BAZ1A: variants seen among roughly 807,000 people sequenced by gnomAD.
The protein encoded by BAZ1A is bromodomain adjacent to zinc finger domain protein 1A.
BAZ1A carries 50 observed loss-of-function variants against 185.2 expected under a neutral mutation model. That is an observed-to-expected ratio of 0.27 (90% CI 0.22 to 0.34). The LOEUF is 0.34. BAZ1A is among the 10% of genes least tolerant of loss of function. BAZ1A has a pLI of 1.00. For missense variants in BAZ1A, 1,356 were observed against 1,839.9 expected (o/e 0.74, Z 4.81); for synonymous variants, 571 against 615.6 (o/e 0.93, Z 1.07).
intron 18 of BAZ1A, 113 bp downstream of exon 18, chr14:34,775,806 A>C (rs1879559702): frequency 1.3e-6 from 1 of 782,444 alleles, no homozygotes; most frequent in African/African-American, 1.8e-5. Context: ...GCCTAAATCA[A>C]AGATAAGGTG....
At chr14:34,799,239 T>TG (rs535843293) in intron 9 of BAZ1A, among the ~76,000 whole-genome samples, 1 of 71,688 alleles carries the variant, frequency 1.4e-5, no homozygotes, top group Non-Finnish European at 2.5e-5. Flanking sequence ...TGTTGTGGGG[T>TG]GGGGGGAGGG....
intron 3 of BAZ1A, among the ~76,000 whole-genome samples, chr14:34,838,933 G>C (rs2042370672): frequency 6.6e-6 from 1 of 152,042 alleles, no homozygotes; most frequent in Admixed American, 6.6e-5. Flanking sequence ...CCAATTAAAA[G>C]TATTCATTCC....
At chr14:34,774,912 C>A (rs985456740) in intron 18 of BAZ1A, among the ~76,000 whole-genome samples, 2 of 152,216 alleles carry the variant, frequency 1.3e-5, no homozygotes, top group African/African-American at 4.8e-5. Context: ...CCAATGAGCA[C>A]ATGAAAAGAT....
chr14:34,810,841 C>A (rs925881024), intron 5 of BAZ1A, 94 bp downstream of exon 5: 2 of 831,146 alleles, frequency 2.4e-6, no homozygotes, highest in Non-Finnish European at 3.9e-6. Context: ...AAAGCAATCA[C>A]AGTACTTCCC....
intron 3 of BAZ1A, among the ~76,000 whole-genome samples, chr14:34,846,291 G>GT (rs2042510703): frequency 6.6e-6 from 1 of 152,220 alleles, no homozygotes; most frequent in African/African-American, 2.4e-5. Flanking sequence ...AGTAATGACC[G>GT]TAAGTCCTGG....
At chr14:34,760,441 C>A (rs2383676) in intron 24 of BAZ1A, among the ~76,000 whole-genome samples, 28,335 of 151,146 alleles carry the variant, frequency 0.19, 3,378 homozygotes, top group Non-Finnish European at 0.26. Flanking sequence ...TGCTGCGTAT[C>A]CGAATAATGC....
chr14:34,773,315 C>T (rs773555556), intron 20 of BAZ1A, among the ~76,000 whole-genome samples: 3 of 150,850 alleles, frequency 2.0e-5, no homozygotes, highest in South Asian at 2.1e-4. Flanking sequence ...ACCTTAAGTT[C>T]AAAGATTAAA....
intron 4 of BAZ1A, among the ~76,000 whole-genome samples, chr14:34,824,102 GGCTCCT>G (rs2042126710): frequency 6.6e-6 from 1 of 151,544 alleles, no homozygotes; most frequent in African/African-American, 2.4e-5. Context: ...CGGGCACAGT[GGCTCCT>G]GCCTGTAATC....
At chr14:34,830,248 T>A (rs956209348) in intron 3 of BAZ1A, among the ~76,000 whole-genome samples, 9 of 151,580 alleles carry the variant, frequency 5.9e-5, no homozygotes, top group African/African-American at 2.2e-4. Context: ...CAAATATCCA[T>A]CAACTGATCA....
chr14:34,853,246 A>G (rs2042624504), intron 3 of BAZ1A, among the ~76,000 whole-genome samples: 1 of 152,230 alleles, frequency 6.6e-6, no homozygotes, highest in African/African-American at 2.4e-5. Flanking sequence ...AACAAATGTC[A>G]GTGCATTTGG....
In BAZ1A at chr14:34,777,470, C is replaced by T. The variant is rs1879712821; in HGVS notation, c.2237-955G>A. ...ACCAGCCTGGCCAACATGGTGAAAT[C>T]CCGTCTCCACTAAAAATACAAAAAT... On this transcript the variant is annotated intron_variant, in intron 17 of 26. Coordinates refer to ENST00000360310, the MANE Select transcript of BAZ1A (RefSeq NM_013448.3). Among the ~76,000 whole-genome samples the T allele has an allele frequency of 2.0e-5, 3 of 151,644 alleles. No homozygotes were observed. In the South Asian group the frequency reaches 6.3e-4, roughly 32 times the overall value.
At chr14:34,784,580 C>T (rs1472011962) in intron 14 of BAZ1A, among the ~76,000 whole-genome samples, 4 of 151,358 alleles carry the variant, frequency 2.6e-5, no homozygotes, top group East Asian at 2.0e-4. Flanking sequence ...TGCAGTGGCG[C>T]GATCTCGGCT....
At position 34,874,678 on chromosome 14, in the gene BAZ1A, G is replaced by A. The variant is rs1307478408; in HGVS notation, c.-58-16C>T. The A allele has an allele frequency of 1.4e-5, 18 of 1,330,264 alleles. No individual in the cohort carries two copies. Among genetic ancestry groups the A allele is most frequent in the Non-Finnish European group, 1.8e-5 (17 of 962,382 alleles). 82.4% of individuals were successfully genotyped at this position (1,330,264 alleles called of 1,614,324 possible). On this transcript the variant is annotated splice_polypyrimidine_tract_variant and intron_variant, in intron 1 of 26. Coordinates refer to ENST00000360310, the MANE Select transcript of BAZ1A (RefSeq NM_013448.3). The surrounding 1 kb of genome is among the most constrained non-coding windows in gnomAD (Gnocchi z 4.7). Reference sequence around the variant, plus strand: ...CCCCGCTTCCCTATCAAAATTGGAGGGAAAGGAAAGCCGGTAAGGTGGGGA... The same window carrying A: ...CCCCGCTTCCCTATCAAAATTGGAGAGAAAGGAAAGCCGGTAAGGTGGGGA...
At chr14:34,867,771 C>T (rs984071908) in intron 2 of BAZ1A, among the ~76,000 whole-genome samples, 1 of 152,154 alleles carries the variant, frequency 6.6e-6, no homozygotes, top group African/African-American at 2.4e-5. Flanking sequence ...CTACTCATAA[C>T]CCCCTAACAG....
intron 6 of BAZ1A, among the ~76,000 whole-genome samples, chr14:34,806,597 T>A (rs1414003984): frequency 6.6e-6 from 1 of 152,182 alleles, no homozygotes; most frequent in African/African-American, 2.4e-5. Context: ...TTTTGCATTT[T>A]AAAAAATTAC....
At chr14:34,844,781 A>ACACACACGCG (rs1555344300) in intron 3 of BAZ1A, among the ~76,000 whole-genome samples, 135 of 8,550 alleles carry the variant, frequency 0.016, no homozygotes, top group African/African-American at 0.024. Flanking sequence ...ACACGCGCAC[A>ACACACACGCG]CACACACACA....
At chr14:34,793,750 C>T (rs1423607189) in intron 11 of BAZ1A, among the ~76,000 whole-genome samples, 1 of 152,176 alleles carries the variant, frequency 6.6e-6, no homozygotes, top group Non-Finnish European at 1.5e-5. Flanking sequence ...CAAGACTAGC[C>T]TGGCCAAAAT....
At chr14:34,873,517 G>T (rs912342489) in intron 2 of BAZ1A, among the ~76,000 whole-genome samples, 1 of 152,184 alleles carries the variant, frequency 6.6e-6, no homozygotes, top group African/African-American at 2.4e-5. Flanking sequence ...GCAGCTCCGC[G>T]TTCTTATCAA....
intron 16 of BAZ1A, 67 bp from the exon 17 acceptor site, chr14:34,780,377 G>C: frequency 6.7e-7 from 1 of 1,492,270 alleles, no homozygotes; most frequent in African/African-American, 1.4e-5. Flanking sequence ...AATATTTATT[G>C]CTTGCTTATG....
Sources: allele counts gnomAD v4.1 joint callset (sites outside exome capture counted in the v4.1 genomes callset), GRCh38; gene constraint gnomAD v4.1.1; non-coding constraint Gnocchi (gnomAD v3.1); transcripts MANE v1.5; gene names NCBI Gene and HGNC (gene_info 2026-07-23, HGNC 2026-07-21).